The following MID1 variants were observed in gnomAD, a reference collection of about 807,000 sequenced individuals.
MID1 encodes E3 ubiquitin-protein ligase Midline-1.
In MID1, 7 loss-of-function variants were observed where a neutral mutation model predicts 40.4. The ratio of observed to expected loss-of-function variants is 0.17; its 90% CI spans 0.10 to 0.33. MID1 has a LOEUF of 0.33. MID1 is among the 10% of genes least tolerant of loss of function. MID1 has a pLI of 1.00. For synonymous variants in MID1, 229 were observed against 221.2 expected (o/e 1.04, Z -0.31); for missense variants, 367 against 558.5 (o/e 0.66, Z 3.46).
intron 1 of MID1, among the ~76,000 whole-genome samples, chrX:10,712,135 G>T (rs978545557): frequency 1.8e-5 from 2 of 111,917 alleles, no homozygotes; most frequent in African/African-American, 6.5e-5. Context: ...AGTCTGACAT[G>T]AGTAGGGAAG....
intron 1 of MID1, among the ~76,000 whole-genome samples, chrX:10,723,396 TA>T (rs774879532): frequency 1.8e-5 from 2 of 112,488 alleles, no homozygotes; most frequent in African/African-American, 6.5e-5. Flanking sequence ...TGACATTCTG[TA>T]ATTTTGCTAT....
intron 2 of MID1, among the ~76,000 whole-genome samples, chrX:10,549,465 A>G (rs939904201): frequency 8.8e-6 from 1 of 113,361 alleles, no homozygotes; most frequent in Non-Finnish European, 1.9e-5. Flanking sequence ...ATTTTTATAG[A>G]GCTTCATTGG....
chrX:10,809,262 C>G (rs973283562), intron 1 of MID1, among the ~76,000 whole-genome samples: 3 of 111,412 alleles, frequency 2.7e-5, no homozygotes, highest in African/African-American at 9.8e-5. Flanking sequence ...GGTGATCATT[C>G]AAAAGTCAGG....
At chrX:10,596,028 G>T (rs1471771146) in intron 1 of MID1, among the ~76,000 whole-genome samples, 4 of 111,719 alleles carry the variant, frequency 3.6e-5, no homozygotes, top group Non-Finnish European at 5.6e-5. Flanking sequence ...TCAAGGAATT[G>T]GAAATTTTTG....
intron 1 of MID1, among the ~76,000 whole-genome samples, chrX:10,678,443 C>T (rs969730040): frequency 8.9e-6 from 1 of 112,059 alleles, no homozygotes; most frequent in African/African-American, 3.2e-5. Context: ...TCACCATCAC[C>T]TCTATCCTTT....
At chrX:10,583,148 C>A (rs1176012374) in intron 1 of MID1, among the ~76,000 whole-genome samples, 11 of 111,558 alleles carry the variant, frequency 9.9e-5, no homozygotes, top group African/African-American at 3.6e-4. Context: ...CTGCTCTAGG[C>A]AGCAGCAAAT....
chrX:10,831,357 G>T (rs1319023812), intron 1 of MID1, among the ~76,000 whole-genome samples: 1 of 111,943 alleles, frequency 8.9e-6, no homozygotes, highest in African/African-American at 3.3e-5. Flanking sequence ...AAGGCTCTGA[G>T]AAGACCTATT....
At chrX:10,671,878 A>G in intron 1 of MID1, among the ~76,000 whole-genome samples, 1 of 111,104 alleles carries the variant, frequency 9.0e-6, no homozygotes, top group South Asian at 3.8e-4. Context: ...AAATATTTCC[A>G]TGGCTCCCTA....
chrX:10,636,124 G>A (rs1450435840), intron 1 of MID1, among the ~76,000 whole-genome samples: 2 of 112,082 alleles, frequency 1.8e-5, no homozygotes, highest in East Asian at 2.8e-4. Context: ...ATAAAATGCT[G>A]GCAAAATCTG....
chrX:10,723,718 A>T (rs772539431), intron 1 of MID1, among the ~76,000 whole-genome samples: 1 of 111,766 alleles, frequency 8.9e-6, no homozygotes, highest in East Asian at 2.9e-4. Context: ...CGCCCGGCTA[A>T]TTTTTTTGTA....
intron 1 of MID1, among the ~76,000 whole-genome samples, chrX:10,756,245 C>T (rs1432529400): frequency 8.9e-6 from 1 of 111,836 alleles, no homozygotes; most frequent in Non-Finnish European, 1.9e-5. Flanking sequence ...TCCCATGCTA[C>T]TTATTTATGC....
intron 1 of MID1, among the ~76,000 whole-genome samples, chrX:10,781,459 ACGAAAGAAAAACAG>A (rs1569168611): frequency 8.9e-6 from 1 of 112,127 alleles, no homozygotes; most frequent in East Asian, 2.8e-4. Flanking sequence ...GATATTGAAC[ACGAAAGAAAAACAG>A]CAAATTCATT....
intron 1 of MID1, among the ~76,000 whole-genome samples, chrX:10,720,118 C>T (rs1378813329): frequency 1.8e-5 from 2 of 111,643 alleles, no homozygotes; most frequent in Non-Finnish European, 3.8e-5. Context: ...TAGGCAATAC[C>T]ATTCAGGACA....
chrX:10,817,628 T>C, intron 1 of MID1, among the ~76,000 whole-genome samples: 1 of 103,298 alleles, frequency 9.7e-6, no homozygotes. Context: ...TTCTTCTTTT[T>C]TTTTTTTTTT....
chrX:10,764,913 A>G (rs1327329618), intron 1 of MID1, among the ~76,000 whole-genome samples: 1 of 111,840 alleles, frequency 8.9e-6, no homozygotes, highest in African/African-American at 3.3e-5. Flanking sequence ...TTTCCCACGG[A>G]CTTTTCTGTA....
intron 6 of MID1, among the ~76,000 whole-genome samples, chrX:10,473,592 C>A (rs139911182): frequency 0.014 from 1,590 of 112,096 alleles, 21 homozygotes; most frequent in South Asian, 0.03. Flanking sequence ...TCTCCTGCTC[C>A]ACCTTGTTCA....
intron 1 of MID1, among the ~76,000 whole-genome samples, chrX:10,654,245 GA>G (rs1360021398): frequency 8.9e-6 from 1 of 112,034 alleles, no homozygotes; most frequent in Non-Finnish European, 1.9e-5. Flanking sequence ...TCTACCTCGA[GA>G]ATATAATTTA....
intron 1 of MID1, among the ~76,000 whole-genome samples, chrX:10,590,194 G>A (rs1935259095): frequency 8.9e-6 from 1 of 111,748 alleles, no homozygotes; most frequent in African/African-American, 3.3e-5. Flanking sequence ...AGGTCAGGCA[G>A]GCCCAGGCCT....
intron 1 of MID1, among the ~76,000 whole-genome samples, chrX:10,748,912 C>G (rs1204192956): frequency 9.0e-6 from 1 of 111,343 alleles, no homozygotes; most frequent in Non-Finnish European, 1.9e-5. Context: ...TTTGGTACTG[C>G]TATTTTAAGG....
Sources: allele counts gnomAD v4.1 joint callset (sites outside exome capture counted in the v4.1 genomes callset), GRCh38; gene constraint gnomAD v4.1.1; transcripts MANE v1.5; gene names NCBI Gene and HGNC (gene_info 2026-07-23, HGNC 2026-07-21).